The following IRS2 variants were observed in gnomAD, a reference collection of about 807,000 sequenced individuals.
The protein encoded by IRS2 is insulin receptor substrate 2.
Under a neutral mutation model 70.9 loss-of-function variants are expected in IRS2, and 28 were observed. The observed-to-expected ratio is 0.39, with a 90% CI of 0.29 to 0.54. The LOEUF (loss-of-function observed/expected upper bound fraction) is 0.54. Ranked by LOEUF, IRS2 falls within the 20% of genes least tolerant of loss-of-function variation. The pLI is 0.59. For missense variants in IRS2, 2,081 were observed against 2,024.1 expected, an observed-to-expected ratio of 1.03 and a Z score of -0.54; for synonymous variants, 1,217 against 981.9, an observed-to-expected ratio of 1.24 and a Z score of -4.48.
chr13:109,771,804 T>C (rs1321355657), intron 1 of IRS2, among the ~76,000 whole-genome samples: 1 of 152,186 alleles, frequency 6.6e-6, no homozygotes, highest in Admixed American at 6.5e-5. Context: ...GTCTGGGAAG[T>C]TCAGAAGCCC....
At chr13:109,756,404 C>T in intron 1 of IRS2, 96 bp from the exon 2 acceptor site, 4 of 1,007,436 alleles carry the variant, frequency 4.0e-6, no homozygotes, top group Non-Finnish European at 6.4e-6. Flanking sequence ...CAGCTAGGAC[C>T]TGGGTCATTT....
intron 1 of IRS2, among the ~76,000 whole-genome samples, chr13:109,763,198 G>A (rs1877263604): frequency 6.6e-6 from 1 of 152,186 alleles, no homozygotes; most frequent in Non-Finnish European, 1.5e-5. Flanking sequence ...AGAAAAACAG[G>A]CAAATTTGTC....
chr13:109,771,402 A>T (rs976236571), intron 1 of IRS2, among the ~76,000 whole-genome samples: 5 of 152,222 alleles, frequency 3.3e-5, no homozygotes, highest in Admixed American at 6.5e-5. Context: ...TCCTGGATTT[A>T]TAATACTTTA....
At chr13:109,768,180 T>C (rs1877377692) in intron 1 of IRS2, among the ~76,000 whole-genome samples, 1 of 152,212 alleles carries the variant, frequency 6.6e-6, no homozygotes, top group Admixed American at 6.5e-5. Context: ...AGCAACACAG[T>C]TCAAGCAGAT....
Position 109,766,627 on chromosome 13 carries a change from CCCACCAAGCA to C in IRS2, c.4013-10329_4013-10320del. Among the ~76,000 whole-genome samples the C allele has an allele frequency of 8.9e-5, 4 of 45,142 alleles. No individual in the cohort carries two copies. The Admixed American group carries it at 1.2e-3, about 14-fold the overall frequency. The allele number at this position is 45,142 out of a possible 152,430, so 29.6% of individuals were successfully genotyped here. A position where few individuals can be genotyped will look rare whatever the true frequency, so the allele number is the denominator to read the frequency against. ...GCCTCATCCACCCTGGCTCCGACTCCCCACCAAGCATGTAGATATCCCAGCCTCATCCACC... is the reference window on the plus strand; with the variant it reads ...GCCTCATCCACCCTGGCTCCGACTCCTGTAGATATCCCAGCCTCATCCACC... On this transcript the variant is annotated intron_variant, in intron 1 of 1. Transcript: ENST00000375856.
intron 1 of IRS2, among the ~76,000 whole-genome samples, chr13:109,773,902 G>T (rs1254341287): frequency 6.6e-6 from 1 of 152,226 alleles, no homozygotes; most frequent in Non-Finnish European, 1.5e-5. Flanking sequence ...ACTGAGATGT[G>T]TCATTGTTTG....
At position 109,784,113 on chromosome 13, in the gene IRS2, C is replaced by A. The variant is rs2138934785; in HGVS notation, c.1941G>T (p.Leu647=). The A allele has an allele frequency of 1.3e-6, 2 of 1,594,782 alleles. No homozygotes were observed. The highest frequency in any genetic ancestry group is 1.7e-6 in the Non-Finnish European group (2 of 1,177,602). The part of the protein sequence containing the change: ...IGSHRSSSSN[L]GADDGYMPMT... ...TGGGCATGTAGCCGTCGTCTGCCCC[C>A]AGGTTGCTGCTGGAGCTCCTGTGGG... is the stretch of plus-strand genomic sequence containing the variant. Residue 647 remains leucine (L), a synonymous_variant, in exon 1 of 2, where the codon CTG becomes CTT. Coordinates refer to ENST00000375856, the MANE Select transcript of IRS2 (RefSeq NM_003749.3). The surrounding 1 kb of genome is among the most constrained non-coding windows in gnomAD (Gnocchi z 5.2).
intron 1 of IRS2, among the ~76,000 whole-genome samples, chr13:109,763,182 A>G (rs1443487649): frequency 6.6e-6 from 1 of 152,250 alleles, no homozygotes; most frequent in Non-Finnish European, 1.5e-5. Context: ...AAGGAAGACA[A>G]TGCGAAGAAA....
intron 1 of IRS2, among the ~76,000 whole-genome samples, chr13:109,761,419 G>A (rs2138912359): frequency 6.6e-6 from 1 of 152,306 alleles, no homozygotes; most frequent in African/African-American, 2.4e-5. Flanking sequence ...CCTTCCATGA[G>A]CTCAAACATA....
At position 109,783,889 on chromosome 13, in the gene IRS2, G is replaced by A. The variant is rs778015136; in HGVS notation, c.2165C>T (p.Ala722Val). 2 of 1,547,502 alleles carry A rather than the reference G, an allele frequency of 1.3e-6. No homozygotes were observed. Among genetic ancestry groups the A allele is most frequent in the Admixed American group, 2.0e-5 (1 of 51,078 alleles). The change falls in exon 1 of 2, where the codon GCG becomes GTG. Residue 722 changes from alanine to valine, a missense_variant. By Grantham distance (64) the Ala-to-Val change is moderately conservative. Transcript: ENST00000375856. ...PTSAAGRTFP[A>V]SGGGYKASSP... ...GCTGGCCTTGTAGCCGCCCCCGCTC[G>A]CCGGGAATGTCCTGCCCGCCGCAGA...
Position 109,756,144 on chromosome 13 carries a change from G to C in IRS2, c.*160C>G. ...AAGAGGCAGGTGACCTTGCCTTGTTGGTGCCTCATCTAACAGAGTCCACAG... is the reference window on the plus strand; with the variant it reads ...AAGAGGCAGGTGACCTTGCCTTGTTCGTGCCTCATCTAACAGAGTCCACAG... On this transcript the variant is annotated 3_prime_UTR_variant, in exon 2 of 2. Transcript: ENST00000375856. 1 of 655,176 alleles carries C rather than the reference G, an allele frequency of 1.5e-6. No homozygotes were observed. The highest frequency in any genetic ancestry group is 2.8e-6 in the Non-Finnish European group (1 of 358,312). The allele number at this position is 655,176 out of a possible 1,614,324, so 40.6% of individuals were successfully genotyped here.
chr13:109,783,088 G>C lies in IRS2; in HGVS notation c.2966C>G (p.Pro989Arg). ...MNLDFSSPKS[P>R]KPGAPSGHPV... Reference sequence around the variant, plus strand: ...GTGGCCGCTCGGGGCGCCCGGCTTAGGAGACTTGGGGGAGCTGAAGTCGAG... The same window carrying C: ...GTGGCCGCTCGGGGCGCCCGGCTTACGAGACTTGGGGGAGCTGAAGTCGAG... The change falls in exon 1 of 2, where the codon CCT (proline) becomes CGT (arginine). Residue 989 changes from proline to arginine, a missense_variant. By Grantham distance (103) the Pro-to-Arg change is moderately radical. Transcript: ENST00000375856. 1 of 1,390,088 alleles carries C rather than the reference G, an allele frequency of 7.2e-7. No individual in the cohort carries two copies. The highest frequency in any genetic ancestry group is 9.3e-7 in the Non-Finnish European group (1 of 1,079,132). 86.1% of individuals were successfully genotyped at this position (1,390,088 alleles called of 1,614,324 possible).
rs1877834267 is a variant in IRS2 at position 109,784,162 on chromosome 13, T to A, written c.1892A>T (p.Asp631Val). Residue 631 changes from aspartate (D) to valine (V), a missense_variant, in exon 1 of 2, where the codon GAC (aspartate) becomes GTC (valine). By Grantham distance (152) the Asp-to-Val change is radical. Transcript: ENST00000375856. The surrounding 1 kb of genome is among the most constrained non-coding windows in gnomAD (Gnocchi z 5.2). ...PKVAYHPYPE[D>V]YGDIEIGSHR... ...GGAGCCGATCTCGATGTCTCCGTAGTCCTCTGGGTAGGGGTGGTAGGCCAC... is the reference window on the plus strand; with the variant it reads ...GGAGCCGATCTCGATGTCTCCGTAGACCTCTGGGTAGGGGTGGTAGGCCAC... 1 of 1,588,072 alleles carries A rather than the reference T, an allele frequency of 6.3e-7. No individual in the cohort carries two copies.
Position 109,784,910 on chromosome 13 carries a change from G to T in IRS2, c.1144C>A (p.Pro382Thr). The stretch of plus-strand genomic sequence containing the variant: ...AGGGGGCTCCCAGCCACCGACACCG[G>T]CCTGGCGCCCGCGGCCGCCGCTCCC... ...AAGAAAAGAR[P>T]VSVAGSPLSP... is the part of the protein sequence containing the mutation. The change falls in exon 1 of 2, where the codon CCG (proline) becomes ACG (threonine). Residue 382 changes from proline to threonine, a missense_variant. Around this residue, in one of 4 missense-constraint regions of IRS2, gnomAD observed 1,615 missense variants for 1,459.5 expected, o/e 1.11. Coordinates refer to ENST00000375856, the MANE Select transcript of IRS2 (RefSeq NM_003749.3). This position sits in a 1 kb window ranked among gnomAD's most constrained non-coding sequence, Gnocchi z 5.2. 1 of 1,057,650 alleles carries T rather than the reference G, an allele frequency of 9.5e-7. No homozygotes were observed. The highest frequency in any genetic ancestry group is 1.1e-6 in the Non-Finnish European group (1 of 878,236). The allele number at this position is 1,057,650 out of a possible 1,614,324, so 65.5% of individuals were successfully genotyped here.
chr13:109,752,730 A>C lies in IRS2; in HGVS notation c.*3574T>G, dbSNP rs1877011017. 6.6e-6 allele frequency: 1 copy of C among 152,234 alleles called. No homozygotes were observed. The highest frequency in any genetic ancestry group is 2.1e-4 in the South Asian group (1 of 4,838). The allele number at this position is 152,234 out of a possible 1,614,324, so 9.4% of individuals were successfully genotyped here. A position where few individuals can be genotyped will look rare whatever the true frequency, so the allele number is the denominator to read the frequency against. On this transcript the variant is annotated 3_prime_UTR_variant, in exon 2 of 2. Coordinates refer to ENST00000375856, the MANE Select transcript of IRS2 (RefSeq NM_003749.3). ...CACTGATTTTATTTGTTCAAAAGAT[A>C]ACACACACATTATTACATGACTATC...
At position 109,755,069 on chromosome 13, in the gene IRS2, G is replaced by A. The variant is rs1401664181; in HGVS notation, c.*1235C>T. The A allele has an allele frequency of 8.7e-6, 2 of 230,058 alleles. No homozygotes were observed. The highest frequency in any genetic ancestry group is 1.7e-5 in the Non-Finnish European group (2 of 116,106). The allele number at this position is 230,058 out of a possible 1,614,324, so 14.3% of individuals were successfully genotyped here. A position where few individuals can be genotyped will look rare whatever the true frequency, so the allele number is the denominator to read the frequency against. On this transcript the variant is annotated 3_prime_UTR_variant, in exon 2 of 2. Transcript: ENST00000375856. ...GAACTGCCACACACTGGTATTTTCA[G>A]AATACTGAAAACATAAAACAAGGGT...
In IRS2 at chr13:109,782,463, G is replaced by A. The variant is rs969652956; in HGVS notation, c.3591C>T (p.Gly1197=). 4 of 1,564,998 alleles carry A rather than the reference G, an allele frequency of 2.6e-6. No individual in the cohort carries two copies. The African/African-American group carries it at 4.1e-5, about 16-fold the overall frequency. The change falls in exon 1 of 2, where the codon GGC becomes GGT. Residue 1197 remains glycine (G), a synonymous_variant. Transcript: ENST00000375856. ...EGGVGVGPGG[G]DEPPTSPRQL... is the part of the protein sequence containing the mutation. ...GTCGTGGGGAGGTGGGCGGCTCGTC[G>A]CCCCCTCCAGGGCCGACACCCACGC...
rs776792996 is a variant in IRS2 at position 109,782,806 on chromosome 13, G to A, written c.3248C>T (p.Pro1083Leu). Residue 1083 changes from proline (P) to leucine (L), a missense_variant, in exon 1 of 2, where the codon CCG (proline) becomes CTG (leucine). Physicochemically the swap from Pro to Leu is moderately conservative, Grantham distance 98. This residue lies in a region of IRS2 where 1,615 missense variants were observed against 1,459.5 expected (regional missense o/e 1.11). Coordinates refer to ENST00000375856, the MANE Select transcript of IRS2 (RefSeq NM_003749.3). ...CGGGGGGGCCGCGATAGGTTGCGGC[G>A]GGGTGGCGGCCACACCAAAAGCCAT... The part of the protein sequence containing the change: ...TEMAFGVAAT[P>L]PQPIAAPPKP... 1.3e-6 allele frequency: 2 copies of A among 1,596,592 alleles called. No individual in the cohort carries two copies. The highest frequency in any genetic ancestry group is 1.7e-6 in the Non-Finnish European group (2 of 1,172,808).
intron 1 of IRS2, among the ~76,000 whole-genome samples, chr13:109,778,264 A>G (rs574232541): frequency 6.6e-6 from 1 of 152,346 alleles, no homozygotes; most frequent in Admixed American, 6.5e-5. Context: ...TAGACACACA[A>G]TGACTCATTA....
Sources: allele counts gnomAD v4.1 joint callset (sites outside exome capture counted in the v4.1 genomes callset), GRCh38; gene constraint gnomAD v4.1.1; regional missense constraint gnomAD v4.1.1; non-coding constraint Gnocchi (gnomAD v3.1); transcripts MANE v1.5; gene names NCBI Gene and HGNC (gene_info 2026-07-23, HGNC 2026-07-21).